Variants in MRPS31 observed in about 807,000 individuals in gnomAD.
MRPS31 encodes the protein mitochondrial ribosomal protein S31, also known as small ribosomal subunit protein mS31.
In MRPS31, 32 loss-of-function variants were observed where a neutral mutation model predicts 43.1. The observed-to-expected ratio is 0.74, with a 90% CI of 0.56 to 1.00. MRPS31 has a LOEUF of 1.00. Among genes scored for constraint, MRPS31 ranks in the 50% least tolerant of loss-of-function variants. The pLI, the probability that MRPS31 is intolerant of heterozygous loss-of-function variation, is 0.00. For missense variants in MRPS31, 437 were observed against 466.7 expected (o/e 0.94, Z 0.59); for synonymous variants, 165 against 161.6 (o/e 1.02, Z -0.16).
At chr13:40,750,111 G>A (rs1214276751) in intron 5 of MRPS31, among the ~76,000 whole-genome samples, 1 of 152,064 alleles carries the variant, frequency 6.6e-6, no homozygotes, top group Non-Finnish European at 1.5e-5. Context: ...GTTGTAATTT[G>A]GGAAACAACC....
At chr13:40,751,120 A>C (rs560499551) in intron 5 of MRPS31, among the ~76,000 whole-genome samples, 1 of 152,176 alleles carries the variant, frequency 6.6e-6, no homozygotes, top group South Asian at 2.1e-4. Context: ...CTAGCCACAC[A>C]CTGACTGCTA....
At chr13:40,767,134 T>C in intron 1 of MRPS31, 101 bp from the exon 2 acceptor site, 1 of 986,092 alleles carries the variant, frequency 1.0e-6, no homozygotes, top group South Asian at 2.0e-5. Context: ...TATCTAAGAT[T>C]TTTTTTCAAT....
At chr13:40,760,907 T>C (rs985064756) in intron 2 of MRPS31, among the ~76,000 whole-genome samples, 2 of 152,066 alleles carry the variant, frequency 1.3e-5, no homozygotes, top group African/African-American at 4.8e-5. Context: ...CTGAAGTTCT[T>C]GGAGAAAGAT....
intron 5 of MRPS31, among the ~76,000 whole-genome samples, chr13:40,753,591 C>T (rs1457011693): frequency 6.6e-6 from 1 of 152,130 alleles, no homozygotes; most frequent in East Asian, 1.9e-4. Context: ...GGCCATGGTG[C>T]CTAGCTGAGG....
intron 6 of MRPS31, among the ~76,000 whole-genome samples, chr13:40,743,181 G>A (rs1880150081): frequency 6.6e-6 from 1 of 152,074 alleles, no homozygotes; most frequent in African/African-American, 2.4e-5. Flanking sequence ...TGGGCATGGT[G>A]GCAGGCGCCT....
chr13:40,763,458 T>C (rs761018843), intron 2 of MRPS31, among the ~76,000 whole-genome samples: 3 of 152,158 alleles, frequency 2.0e-5, no homozygotes, highest in Admixed American at 6.5e-5. Flanking sequence ...AATCACTGCA[T>C]TTAAGTCCTA....
At chr13:40,768,354 G>GC (rs1161571279) in intron 1 of MRPS31, among the ~76,000 whole-genome samples, 1 of 139,262 alleles carries the variant, frequency 7.2e-6, no homozygotes, top group Non-Finnish European at 1.5e-5. Flanking sequence ...TTTAAGCTTA[G>GC]CCCCCACCCC....
chr13:40,767,261 A>C (rs184041327), intron 1 of MRPS31, among the ~76,000 whole-genome samples: 1 of 152,020 alleles, frequency 6.6e-6, no homozygotes, highest in East Asian at 1.9e-4. Flanking sequence ...GGGTTCAAGC[A>C]ATTCTCCTGC....
chr13:40,749,935 C>T (rs1055316524), intron 5 of MRPS31, among the ~76,000 whole-genome samples: 7 of 152,148 alleles, frequency 4.6e-5, no homozygotes, highest in African/African-American at 1.7e-4. Flanking sequence ...AATGGTACAA[C>T]CACCTTGGAA....
chr13:40,749,299 T>C lies in MRPS31; in HGVS notation c.815-18A>G. ...TGATGTGTCTACATAATAAAGACAT[T>C]TTAGATAACAACAAGTCAATGTAAG... On this transcript the variant is annotated intron_variant, in intron 5 of 6. Coordinates refer to ENST00000323563, the MANE Select transcript of MRPS31 (RefSeq NM_005830.4). The C allele has an allele frequency of 6.5e-7, 1 of 1,532,740 alleles. No individual in the cohort carries two copies. Among genetic ancestry groups the C allele is most frequent in the South Asian group, 1.3e-5 (1 of 77,186 alleles). 94.9% of individuals were successfully genotyped at this position (1,532,740 alleles called of 1,614,324 possible).
At chr13:40,739,144 A>G (rs1880008241) in intron 6 of MRPS31, among the ~76,000 whole-genome samples, 1 of 152,126 alleles carries the variant, frequency 6.6e-6, no homozygotes, top group Non-Finnish European at 1.5e-5. Context: ...TACACCAACA[A>G]CAGACAAACA....
At chr13:40,761,389 T>C (rs541686693) in intron 2 of MRPS31, among the ~76,000 whole-genome samples, 6 of 152,352 alleles carry the variant, frequency 3.9e-5, no homozygotes, top group African/African-American at 1.2e-4. Flanking sequence ...CATAAACTAC[T>C]TGTGAACTTC....
At chr13:40,741,887 AT>A (rs1880104999) in intron 6 of MRPS31, among the ~76,000 whole-genome samples, 1 of 95,120 alleles carries the variant, frequency 1.1e-5, no homozygotes, top group African/African-American at 3.4e-5. Context: ...AAGTAACAAA[AT>A]ACACACACAC....
chr13:40,768,042 C>T (rs1880900082), intron 1 of MRPS31, among the ~76,000 whole-genome samples: 1 of 152,158 alleles, frequency 6.6e-6, no homozygotes, highest in African/African-American at 2.4e-5. Context: ...AAAAGAACAA[C>T]ACAAATGATT....
chr13:40,761,616 T>A (rs148431113), intron 2 of MRPS31, among the ~76,000 whole-genome samples: 4 of 151,124 alleles, frequency 2.6e-5, no homozygotes, highest in African/African-American at 9.6e-5. Flanking sequence ...TTTAACAATG[T>A]AAGGAGAACT....
intron 2 of MRPS31, among the ~76,000 whole-genome samples, chr13:40,764,269 T>A (rs1271059936): frequency 6.6e-6 from 1 of 152,156 alleles, no homozygotes; most frequent in Non-Finnish European, 1.5e-5. Context: ...AATGGCAGAG[T>A]ACCTGCATAT....
intron 1 of MRPS31, among the ~76,000 whole-genome samples, chr13:40,769,019 C>T (rs1880924946): frequency 6.6e-6 from 1 of 152,086 alleles, no homozygotes; most frequent in South Asian, 2.1e-4. Context: ...AACATTTTAA[C>T]TAAACCCCAG....
chr13:40,735,405 A>G (rs534577136), intron 6 of MRPS31, among the ~76,000 whole-genome samples: 11 of 152,330 alleles, frequency 7.2e-5, no homozygotes, highest in African/African-American at 2.6e-4. Flanking sequence ...GCAGCCAGGA[A>G]GCTCGAACTG....
intron 4 of MRPS31, among the ~76,000 whole-genome samples, chr13:40,754,461 T>G (rs1880473738): frequency 6.6e-6 from 1 of 152,220 alleles, no homozygotes; most frequent in Non-Finnish European, 1.5e-5. Flanking sequence ...ACATTTGTCT[T>G]TAAGGGCAGA....
Sources: allele counts gnomAD v4.1 joint callset (sites outside exome capture counted in the v4.1 genomes callset), GRCh38; gene constraint gnomAD v4.1.1; transcripts MANE v1.5; gene names NCBI Gene and HGNC (gene_info 2026-07-23, HGNC 2026-07-21).